SEC24C: variants seen among roughly 807,000 people sequenced by gnomAD.
The protein encoded by SEC24C is protein transport protein Sec24C.
In SEC24C, 22 loss-of-function variants were observed where a neutral mutation model predicts 117.0. The ratio of observed to expected loss-of-function variants is 0.19; its 90% CI spans 0.13 to 0.27. The LOEUF is 0.27. SEC24C is among the 10% of genes least tolerant of loss of function. The probability of loss-of-function intolerance (pLI) is 1.00; values close to 1 mark genes in which losing one functional copy is unlikely to be tolerated. For missense variants in SEC24C, 1,155 were observed against 1,375.1 expected (o/e 0.84, Z 2.53); for synonymous variants, 506 against 529.4 (o/e 0.96, Z 0.61).
rs776456376 is a variant in SEC24C, at chr10:73,770,006, C to G, written c.2853C>G (p.Leu951=). ...TETNVFFYPR[L]LPLTKSPVES... The stretch of plus-strand genomic sequence containing the variant: ...CCAATGTCTTCTTCTACCCTCGGCT[C>G]TTACCTTTGGTGCGATTGAGGGTTG... The change falls in exon 20 of 23, where the codon CTC becomes CTG. Residue 951 remains leucine, a synonymous_variant. Coordinates refer to ENST00000345254, the MANE Select transcript of SEC24C (RefSeq NM_198597.3). 1.2e-6 allele frequency: 2 copies of G among 1,613,978 alleles called. No individual in the cohort carries two copies. The highest frequency in any genetic ancestry group is 2.7e-5 in the African/African-American group (2 of 74,924).
Position 73,766,330 on chromosome 10 carries a change from A to C in SEC24C, c.1608-20A>C. ...GGTGGAAAAGGTGGCAAGTCTAGGT[A>C]ACAATGTCACCTTCTACAGGGAGGG... On this transcript the variant is annotated intron_variant, in intron 11 of 22. Coordinates refer to ENST00000345254, the MANE Select transcript of SEC24C (RefSeq NM_198597.3). 1 of 1,589,478 alleles carries C rather than the reference A, an allele frequency of 6.3e-7. No individual in the cohort carries two copies. The highest frequency in any genetic ancestry group is 1.1e-5 in the South Asian group (1 of 87,526).
chr10:73,768,405 A>G (rs1366823792), intron 15 of SEC24C, among the ~76,000 whole-genome samples: 1 of 152,152 alleles, frequency 6.6e-6, no homozygotes, highest in African/African-American at 2.4e-5. Context: ...GTTGGAAGAG[A>G]AGACTGCATA....
At chr10:73,768,950 G>A (rs780570922) in intron 16 of SEC24C, 44 bp downstream of exon 16, 1 of 1,614,158 alleles carries the variant, frequency 6.2e-7, no homozygotes. Flanking sequence ...AAATATGGAA[G>A]GGAGGCATGT....
At chr10:73,749,123 G>GTTCACTGACTT (rs1282575152) in intron 2 of SEC24C, among the ~76,000 whole-genome samples, 1 of 152,166 alleles carries the variant, frequency 6.6e-6, no homozygotes, top group Non-Finnish European at 1.5e-5. Flanking sequence ...TTCACTGACT[G>GTTCACTGACTT]TTCACTTCCT....
At chr10:73,770,037 T>A (rs371395578) in intron 20 of SEC24C, 22 bp downstream of exon 20, 1 of 1,611,792 alleles carries the variant, frequency 6.2e-7, no homozygotes, top group African/African-American at 1.3e-5. Context: ...GGTTGGAGTA[T>A]GAGATCTTGC....
chr10:73,764,038 C>A, intron 8 of SEC24C, 55 bp downstream of exon 8: 1 of 1,526,950 alleles, frequency 6.5e-7, no homozygotes, highest in South Asian at 1.2e-5. Context: ...AGAGAGGGGT[C>A]TAAAGCGTCT....
Position 73,771,128 on chromosome 10 carries a change from A to G in SEC24C, c.*33A>G, listed in dbSNP as rs878951436. The G allele has an allele frequency of 6.2e-7, 1 of 1,603,126 alleles. No homozygotes were observed. The highest frequency in any genetic ancestry group is 1.1e-5 in the South Asian group (1 of 89,712). On this transcript the variant is annotated 3_prime_UTR_variant, in exon 23 of 23. Transcript: ENST00000345254. ...GGGTAAATGGCATAGGGCCCAGGCT[A>G]GCTTCCAGAAAGCACCCCAGGATGT...
At chr10:73,753,578 G>A (rs917505634) in intron 3 of SEC24C, among the ~76,000 whole-genome samples, 4 of 152,106 alleles carry the variant, frequency 2.6e-5, no homozygotes, top group South Asian at 2.1e-4. Context: ...CTGAAGTGGA[G>A]GTATCGTTTG....
intron 3 of SEC24C, among the ~76,000 whole-genome samples, chr10:73,758,545 CT>C (rs1216784105): frequency 6.6e-6 from 1 of 152,024 alleles, no homozygotes; most frequent in Non-Finnish European, 1.5e-5. Context: ...TTAACTACCC[CT>C]GTTTAGCTAT....
chr10:73,770,178 G>C, intron 20 of SEC24C, 102 bp from the exon 21 acceptor site: 1 of 1,289,046 alleles, frequency 7.8e-7, no homozygotes, highest in Non-Finnish European at 1.1e-6. Flanking sequence ...CCCAGAAGGG[G>C]TGGTGTCTGA....
In SEC24C at chr10:73,769,372, C is replaced by T; in HGVS notation, c.2450C>T (p.Ala817Val). 1 of 1,613,970 alleles carries T rather than the reference C, an allele frequency of 6.2e-7. No individual in the cohort carries two copies. Among genetic ancestry groups the T allele is most frequent in the South Asian group, 1.1e-5 (1 of 91,022 alleles). Residue 817 changes from alanine (A) to valine (V), a missense_variant, in exon 18 of 23, where the codon GCA becomes GTA. Transcript: ENST00000345254. The surrounding 1 kb of genome is among the most constrained non-coding windows in gnomAD (Gnocchi z 4.5). Reference sequence around the variant, plus strand: ...TGTGCCCTGCTTTACACCAGCTGTGCAGGGCAGCGTCGGCTCCGCATCCAT... The same window carrying T: ...TGTGCCCTGCTTTACACCAGCTGTGTAGGGCAGCGTCGGCTCCGCATCCAT... ...LQCALLYTSCAGQRRLRIHNL... is the reference protein window; with the variant it reads ...LQCALLYTSCVGQRRLRIHNL...
Position 73,769,806 on chromosome 10 carries a change from T to G in SEC24C, c.2683-30T>G. ...TGCATTTGGGAGGGATTTCTCATGATCATTGACTTTATTTTGATAATCCCC... is the reference window on the plus strand; with the variant it reads ...TGCATTTGGGAGGGATTTCTCATGAGCATTGACTTTATTTTGATAATCCCC... On this transcript the variant is annotated intron_variant, in intron 19 of 22. Coordinates refer to ENST00000345254, the MANE Select transcript of SEC24C (RefSeq NM_198597.3). This position sits in a 1 kb window ranked among gnomAD's most constrained non-coding sequence, Gnocchi z 4.5. The G allele has an allele frequency of 6.2e-7, 1 of 1,613,092 alleles. No homozygotes were observed. Among genetic ancestry groups the G allele is most frequent in the Non-Finnish European group, 8.5e-7 (1 of 1,179,108 alleles).
At chr10:73,759,522 G>A in intron 3 of SEC24C, 100 bp from the exon 4 acceptor site, 1 of 887,764 alleles carries the variant, frequency 1.1e-6, no homozygotes, top group Non-Finnish European at 1.6e-6. Flanking sequence ...AGAGTAAGAT[G>A]TCACAAAACA....
At position 73,765,485 on chromosome 10, in the gene SEC24C, G is replaced by A; in HGVS notation, c.1262G>A (p.Gly421Asp). The change falls in exon 9 of 23, where the codon GGC (glycine) becomes GAC (aspartate). Residue 421 changes from glycine to aspartate, a missense_variant. This residue lies in a region of SEC24C where 759 missense variants were observed against 992.3 expected (regional missense o/e 0.76). Transcript: ENST00000345254. ...SPYVVDHGES[G>D]PLRCNRCKAY... The stretch of plus-strand genomic sequence containing the variant: ...TATGTTGTGGACCATGGGGAATCTG[G>A]CCCTTTGCGCTGCAACCGCTGCAAA... The A allele has an allele frequency of 6.2e-7, 1 of 1,613,860 alleles. No individual in the cohort carries two copies. The highest frequency in any genetic ancestry group is 8.5e-7 in the Non-Finnish European group (1 of 1,179,782).
intron 1 of SEC24C, among the ~76,000 whole-genome samples, chr10:73,744,729 C>T (rs1317245145): frequency 6.6e-6 from 1 of 152,096 alleles, no homozygotes; most frequent in Non-Finnish European, 1.5e-5. Context: ...CCCTAGAAGC[C>T]GACTTGGCTT....
In SEC24C at chr10:73,767,915, T is replaced by C; in HGVS notation, c.2089T>C (p.Phe697Leu). The C allele has an allele frequency of 1.4e-6, 2 of 1,466,610 alleles. No homozygotes were observed. The highest frequency in any genetic ancestry group is 2.6e-5 in the East Asian group (1 of 38,462). 90.8% of individuals were successfully genotyped at this position (1,466,610 alleles called of 1,614,324 possible). The part of the protein sequence containing the change: ...CVAQGCCVDL[F>L]LFPNQYVDVA... ...GGCCCAAGGCTGCTGTGTAGATCTCTTTCTCTTCCCTAACCAGTATGTGGA... is the reference window on the plus strand; with the variant it reads ...GGCCCAAGGCTGCTGTGTAGATCTCCTTCTCTTCCCTAACCAGTATGTGGA... Residue 697 changes from phenylalanine to leucine, a missense_variant, in exon 15 of 23, where the codon TTT (phenylalanine) becomes CTT (leucine). Physicochemically the swap from Phe to Leu is conservative, Grantham distance 22. Around this residue, in one of 2 missense-constraint regions of SEC24C, gnomAD observed 759 missense variants for 992.3 expected, o/e 0.76. Coordinates refer to ENST00000345254, the MANE Select transcript of SEC24C (RefSeq NM_198597.3).
At chr10:73,748,620 A>G (rs926210066) in intron 2 of SEC24C, among the ~76,000 whole-genome samples, 1 of 151,082 alleles carries the variant, frequency 6.6e-6, no homozygotes, top group African/African-American at 2.4e-5. Flanking sequence ...TATTTTTATT[A>G]GAGATGGGGT....
intron 6 of SEC24C, among the ~76,000 whole-genome samples, chr10:73,762,579 G>T (rs1247969213): frequency 2.6e-5 from 4 of 152,208 alleles, no homozygotes; most frequent in African/African-American, 9.7e-5. Flanking sequence ...GGAATGTACA[G>T]ATTCATAGTA....
chr10:73,745,553 T>C (rs551522435), intron 1 of SEC24C, among the ~76,000 whole-genome samples: 1 of 151,492 alleles, frequency 6.6e-6, no homozygotes, highest in East Asian at 2.0e-4. Flanking sequence ...GTGTCCTTTA[T>C]TTTTTATTTT....
Sources: gnomAD v4.1 joint callset for allele counts (sites outside exome capture counted in the v4.1 genomes callset) on GRCh38, gnomAD v4.1.1 for gene constraint, gnomAD v4.1.1 regional missense constraint, Gnocchi (gnomAD v3.1) non-coding constraint, MANE v1.5 for transcripts, NCBI Gene and HGNC (gene_info 2026-07-23, HGNC 2026-07-21) for gene names.